The following DCDC1 variants were observed in gnomAD, a reference collection of about 807,000 sequenced individuals.
DCDC1 encodes doublecortin domain containing 1, also known as doublecortin domain-containing protein 1.
In DCDC1, 200 loss-of-function variants were observed where a neutral mutation model predicts 178.3. That is an observed-to-expected ratio of 1.12 (90% CI 1.00 to 1.26). The LOEUF is 1.26. DCDC1 is among the 50% of genes most tolerant of loss of function. DCDC1 has a pLI of 0.00. For synonymous variants in DCDC1, 690 were observed against 604.8 expected (o/e 1.14, Z -2.07); for missense variants, 1,983 against 1,749.2 (o/e 1.13, Z -2.38).
At chr11:31,296,647 TA>T (rs1201123647) in intron 6 of DCDC1, among the ~76,000 whole-genome samples, 2 of 152,118 alleles carry the variant, frequency 1.3e-5, no homozygotes, top group East Asian at 3.9e-4. Context: ...CAAGACTGGG[TA>T]ATTTATTTAA....
chr11:31,125,195 T>C (rs1961426944), intron 11 of DCDC1, among the ~76,000 whole-genome samples: 1 of 152,106 alleles, frequency 6.6e-6, no homozygotes, highest in Non-Finnish European at 1.5e-5. Flanking sequence ...TCACTGATCG[T>C]TAGAGAAATG....
At chr11:31,099,751 G>A (rs1173680187) in intron 15 of DCDC1, among the ~76,000 whole-genome samples, 7 of 145,886 alleles carry the variant, frequency 4.8e-5, no homozygotes, top group South Asian at 2.1e-4. Flanking sequence ...ACAGAGTCTC[G>A]CTCGGTTGCC....
intron 9 of DCDC1, among the ~76,000 whole-genome samples, chr11:31,178,723 T>G (rs1180086219): frequency 6.6e-6 from 1 of 152,162 alleles, no homozygotes; most frequent in South Asian, 2.1e-4. Context: ...GACGGAGTCT[T>G]GCTCTGTCAC....
intron 8 of DCDC1, among the ~76,000 whole-genome samples, chr11:31,261,693 G>C (rs1181254414): frequency 6.6e-6 from 1 of 151,988 alleles, no homozygotes; most frequent in Non-Finnish European, 1.5e-5. Context: ...GTATGGGGGA[G>C]GCCTCCAGTA....
intron 3 of DCDC1, chr11:31,312,850 T>C (rs1441041218): frequency 6.6e-6 from 1 of 152,018 alleles, no homozygotes; most frequent in African/African-American, 2.4e-5. Flanking sequence ...ATATATAATA[T>C]ATAAACAAAA....
chr11:31,364,494 A>G (rs1951864237), intron 1 of DCDC1, among the ~76,000 whole-genome samples: 1 of 152,240 alleles, frequency 6.6e-6, no homozygotes, highest in South Asian at 2.1e-4. Flanking sequence ...GAAGATAGGA[A>G]AACAGGAACA....
intron 28 of DCDC1, among the ~76,000 whole-genome samples, chr11:30,910,133 T>C (rs1286264560): frequency 6.6e-6 from 1 of 152,202 alleles, no homozygotes; most frequent in African/African-American, 2.4e-5. Flanking sequence ...TTATTTTACA[T>C]GAACTTTAAT....
intron 4 of DCDC1, among the ~76,000 whole-genome samples, chr11:31,306,786 C>T (rs1283505677): frequency 6.6e-6 from 1 of 151,872 alleles, no homozygotes; most frequent in Non-Finnish European, 1.5e-5. Flanking sequence ...CAGCAAATGG[C>T]TAAGATTCTA....
chr11:31,293,559 A>T (rs1947383842), intron 6 of DCDC1, among the ~76,000 whole-genome samples: 1 of 152,126 alleles, frequency 6.6e-6, no homozygotes, highest in Non-Finnish European at 1.5e-5. Context: ...TGTCCCAGTG[A>T]TACTTCACTC....
intron 8 of DCDC1, among the ~76,000 whole-genome samples, chr11:31,247,195 G>A (rs1591531809): frequency 6.6e-6 from 1 of 152,126 alleles, no homozygotes; most frequent in African/African-American, 2.4e-5. Context: ...TTGCTGATGT[G>A]TGGATGAATG....
At chr11:31,041,126 G>A (rs1954418738) in intron 20 of DCDC1, among the ~76,000 whole-genome samples, 1 of 152,152 alleles carries the variant, frequency 6.6e-6, no homozygotes, top group South Asian at 2.1e-4. Flanking sequence ...TCTGTGTTGT[G>A]CACTGTTCCA....
At chr11:30,930,817 C>T (rs967180064) in intron 22 of DCDC1, among the ~76,000 whole-genome samples, 2 of 152,114 alleles carry the variant, frequency 1.3e-5, no homozygotes, top group African/African-American at 2.4e-5. Context: ...GGACATTACC[C>T]TCACATTTTA....
intron 20 of DCDC1, among the ~76,000 whole-genome samples, chr11:30,973,273 CAAA>C (rs35354864): frequency 1.8e-5 from 2 of 113,798 alleles, no homozygotes. Context: ...GACTCCATCT[CAAA>C]AAAAAAAAAA....
At chr11:30,943,520 C>CTTTAATCTTACATTTTAA in intron 21 of DCDC1, 1 of 362,992 alleles carries the variant, frequency 2.8e-6, no homozygotes, top group South Asian at 2.1e-5. Flanking sequence ...AATCGTACAT[C>CTTTAATCTTACATTTTAA]TTTTTAATCT....
chr11:31,145,351 A>G (rs1964326692), intron 9 of DCDC1, among the ~76,000 whole-genome samples: 1 of 152,214 alleles, frequency 6.6e-6, no homozygotes, highest in African/African-American at 2.4e-5. Flanking sequence ...AGGCAGGAGA[A>G]ATACTCGAAG....
intron 20 of DCDC1, among the ~76,000 whole-genome samples, chr11:30,991,931 AT>A (rs1293197080): frequency 6.6e-6 from 1 of 152,226 alleles, no homozygotes; most frequent in African/African-American, 2.4e-5. Context: ...AGAATATCAT[AT>A]ACTTCACCCA....
chr11:30,963,040 G>A (rs914875575), intron 20 of DCDC1, among the ~76,000 whole-genome samples: 18 of 152,192 alleles, frequency 1.2e-4, no homozygotes, highest in Middle Eastern at 3.4e-3. Context: ...TTGATAGGTA[G>A]GTTAGCTTTG....
chr11:31,338,551 T>C (rs922854533), intron 1 of DCDC1, among the ~76,000 whole-genome samples: 1 of 152,128 alleles, frequency 6.6e-6, no homozygotes, highest in African/African-American at 2.4e-5. Context: ...CTAGAATCTC[T>C]TCCCTTTTAC....
chr11:31,193,313 C>A (rs1214169914), intron 9 of DCDC1, among the ~76,000 whole-genome samples: 1 of 152,018 alleles, frequency 6.6e-6, no homozygotes, highest in Non-Finnish European at 1.5e-5. Context: ...TCTCCCTCAA[C>A]TAAACTACAG....
Sources: gnomAD v4.1 joint callset for allele counts (sites outside exome capture counted in the v4.1 genomes callset) on GRCh38, gnomAD v4.1.1 for gene constraint, MANE v1.5 for transcripts, NCBI Gene and HGNC (gene_info 2026-07-23, HGNC 2026-07-21) for gene names.